The following CNTNAP2 variants were observed in gnomAD, a reference collection of about 807,000 sequenced individuals.
CNTNAP2 encodes the protein contactin associated protein 2.
In CNTNAP2, 98 loss-of-function variants were observed where a neutral mutation model predicts 155.2. The observed-to-expected ratio is 0.63, with a 90% confidence interval of 0.54 to 0.75. The LOEUF (loss-of-function observed/expected upper bound fraction) is 0.75, where lower values mean the gene tolerates loss of function less well. Among genes scored for constraint, CNTNAP2 ranks in the 30% least tolerant of loss-of-function variants. CNTNAP2 has a pLI of 0.00. For missense variants in CNTNAP2, 1,727 were observed against 1,688.1 expected (o/e 1.02, Z -0.40); for synonymous variants, 651 against 631.2 (o/e 1.03, Z -0.47).
intron 1 of CNTNAP2, among the ~76,000 whole-genome samples, chr7:146,256,715 C>T (rs1342789632): frequency 6.6e-6 from 1 of 151,904 alleles, no homozygotes; most frequent in Non-Finnish European, 1.5e-5. Flanking sequence ...GCTTAAGAAA[C>T]TTTCTTTTAC....
At chr7:146,682,403 A>G (rs1378834792) in intron 1 of CNTNAP2, among the ~76,000 whole-genome samples, 1 of 152,196 alleles carries the variant, frequency 6.6e-6, no homozygotes, top group East Asian at 1.9e-4. Context: ...TATAGTAAGG[A>G]CCATGCTATC....
At chr7:147,303,954 C>T (rs1346797953) in intron 9 of CNTNAP2, among the ~76,000 whole-genome samples, 1 of 152,204 alleles carries the variant, frequency 6.6e-6, no homozygotes, top group African/African-American at 2.4e-5. Context: ...TTTTCCTGCT[C>T]ACTGAAAGCC....
Position 146,131,711 on chromosome 7 carries a change from A to G in CNTNAP2, c.97+14738A>G, listed in dbSNP as rs566414561. On this transcript the variant is annotated intron_variant, in intron 1 of 23. Transcript: ENST00000361727. ...CTTCATCTAATTTGACATAAAATAA[A>G]CAATAACCAGCAAGTACTAGATGAT... Among the ~76,000 whole-genome samples, 15 of 152,324 alleles carry G rather than the reference A, an allele frequency of 9.8e-5. No homozygotes were observed. The South Asian group carries it at 1.2e-3, about 13-fold the overall frequency.
chr7:147,436,808 G>C (rs1042600245), intron 10 of CNTNAP2, among the ~76,000 whole-genome samples: 1 of 152,090 alleles, frequency 6.6e-6, no homozygotes, highest in African/African-American at 2.4e-5. Context: ...TTGAAGTTAG[G>C]CTCCCACCCA....
At chr7:146,322,636 T>C (rs1018272875) in intron 1 of CNTNAP2, among the ~76,000 whole-genome samples, 1 of 133,566 alleles carries the variant, frequency 7.5e-6, no homozygotes. Flanking sequence ...TTCATTCTCT[T>C]TTTTTTTTTT....
At chr7:147,580,144 TCTC>T (rs201675878) in intron 12 of CNTNAP2, among the ~76,000 whole-genome samples, 1,552 of 152,294 alleles carry the variant, frequency 0.01, 31 homozygotes, top group African/African-American at 0.034. Flanking sequence ...CTTTAGACAG[TCTC>T]CTTTTTCTGT....
intron 3 of CNTNAP2, among the ~76,000 whole-genome samples, chr7:147,041,657 A>G (rs946320844): frequency 6.6e-6 from 1 of 152,162 alleles, no homozygotes; most frequent in African/African-American, 2.4e-5. Context: ...GTTCCTTTTA[A>G]TGCTGCCTTT....
rs146684641 is a variant in CNTNAP2 at position 148,198,669 on chromosome 7, T to A, written c.3011-18619T>A. On this transcript the variant is annotated intron_variant, in intron 18 of 23. Coordinates refer to ENST00000361727, the MANE Select transcript of CNTNAP2 (RefSeq NM_014141.6). Reference sequence around the variant, plus strand: ...CTTTTCAGATGTGCCCTTTCAGAAGTGGTCGCCCTTTCAGATATGTCCTTG... The same window carrying A: ...CTTTTCAGATGTGCCCTTTCAGAAGAGGTCGCCCTTTCAGATATGTCCTTG... 2.0e-3 allele frequency among the ~76,000 whole-genome samples: 307 copies of A among 152,352 alleles called. 2 individuals are homozygous for A. The highest frequency in any genetic ancestry group is 7.0e-3 in the African/African-American group (291 of 41,586).
At chr7:147,078,733 C>A (rs1172794655) in intron 4 of CNTNAP2, among the ~76,000 whole-genome samples, 2 of 150,202 alleles carry the variant, frequency 1.3e-5, no homozygotes, top group African/African-American at 5.0e-5. Context: ...TTGAATTTTT[C>A]TTCTTTAATT....
At position 146,620,816 on chromosome 7, in the gene CNTNAP2, T is replaced by C. The variant is rs144026272; in HGVS notation, c.98-153455T>C. On this transcript the variant is annotated intron_variant, in intron 1 of 23. Coordinates refer to ENST00000361727, the MANE Select transcript of CNTNAP2 (RefSeq NM_014141.6). ...ATGTGTGCTCACCCCCTCCAAGTCCTTTCTGCTTTTTTACTTTCTTTCTTG... is the reference window on the plus strand; with the variant it reads ...ATGTGTGCTCACCCCCTCCAAGTCCCTTCTGCTTTTTTACTTTCTTTCTTG... 2.7e-3 allele frequency among the ~76,000 whole-genome samples: 411 copies of C among 152,298 alleles called. 3 individuals are homozygous for C. Among genetic ancestry groups the C allele is most frequent in the African/African-American group, 9.3e-3 (385 of 41,576 alleles).
At chr7:147,600,786 T>C (rs1011898592) in intron 12 of CNTNAP2, among the ~76,000 whole-genome samples, 1 of 152,126 alleles carries the variant, frequency 6.6e-6, no homozygotes, top group African/African-American at 2.4e-5. Flanking sequence ...CCCCTCCTAC[T>C]ACTATGTCCC....
chr7:147,361,676 A>T (rs1272148994), intron 9 of CNTNAP2, among the ~76,000 whole-genome samples: 1 of 152,190 alleles, frequency 6.6e-6, no homozygotes, highest in African/African-American at 2.4e-5. Context: ...TTGAATATAA[A>T]CTTGATTATA....
chr7:146,893,716 G>C (rs1307643381), intron 3 of CNTNAP2, among the ~76,000 whole-genome samples: 1 of 152,066 alleles, frequency 6.6e-6, no homozygotes, highest in African/African-American at 2.4e-5. Context: ...TGTCTCTTTA[G>C]GATAGTCTTC....
intron 4 of CNTNAP2, among the ~76,000 whole-genome samples, chr7:147,064,079 C>G (rs969581094): frequency 1.3e-5 from 2 of 151,884 alleles, no homozygotes; most frequent in African/African-American, 4.8e-5. Flanking sequence ...TAACAAATGT[C>G]CTCTAGTGGT....
intron 12 of CNTNAP2, chr7:147,638,782 G>A (rs1795224392): frequency 2.2e-6 from 1 of 452,948 alleles, no homozygotes; most frequent in African/African-American, 2.1e-5. Context: ...AAGAAGTTGG[G>A]ACATAATGAG....
rs1359130682 is a variant in CNTNAP2, at chr7:147,772,487, C to A, written c.2099-131078C>A. 3.7e-3 allele frequency among the ~76,000 whole-genome samples: 336 copies of A among 91,358 alleles called. 20 individuals are homozygous for A. Among genetic ancestry groups the A allele is most frequent in the African/African-American group, 0.016 (320 of 20,192 alleles). 59.9% of individuals were successfully genotyped at this position (91,358 alleles called of 152,430 possible). Reference sequence around the variant, plus strand: ...ATATATATATATATATATATATACACACACAAAAAAAAAACCACAAAAGAG... The same window carrying A: ...ATATATATATATATATATATATACAAACACAAAAAAAAAACCACAAAAGAG... On this transcript the variant is annotated intron_variant, in intron 13 of 23. Transcript: ENST00000361727.
intron 1 of CNTNAP2, among the ~76,000 whole-genome samples, chr7:146,246,522 T>C (rs868858807): frequency 6.0e-5 from 9 of 150,134 alleles, no homozygotes; most frequent in South Asian, 2.1e-4. Context: ...GAAGGTAATG[T>C]GGAGTGGGTA....
At chr7:146,988,831 A>G (rs1259540671) in intron 3 of CNTNAP2, among the ~76,000 whole-genome samples, 2 of 152,190 alleles carry the variant, frequency 1.3e-5, no homozygotes, top group African/African-American at 4.8e-5. Flanking sequence ...AGCAATACTC[A>G]AAGTAGGAAT....
At chr7:148,180,387 C>A (rs930920204) in intron 18 of CNTNAP2, among the ~76,000 whole-genome samples, 2 of 151,864 alleles carry the variant, frequency 1.3e-5, no homozygotes, top group African/African-American at 2.4e-5. Flanking sequence ...AATCTTCAGA[C>A]CTTAGGATGC....
Sources: allele counts gnomAD v4.1 joint callset (sites outside exome capture counted in the v4.1 genomes callset), GRCh38; gene constraint gnomAD v4.1.1; transcripts MANE v1.5; gene names NCBI Gene and HGNC (gene_info 2026-07-23, HGNC 2026-07-21).